Variants in RPTOR observed in about 807,000 individuals in gnomAD.
RPTOR encodes the protein regulatory associated protein of MTOR complex 1.
In RPTOR, 21 loss-of-function variants were observed where a neutral mutation model predicts 169.9. That is an observed-to-expected ratio of 0.12 (90% CI 0.09 to 0.18). The LOEUF (loss-of-function observed/expected upper bound fraction) is 0.18, where lower values mean the gene tolerates loss of function less well. Among genes scored for constraint, RPTOR ranks in the 10% least tolerant of loss-of-function variants. The pLI, the probability that RPTOR is intolerant of heterozygous loss-of-function variation, is 1.00. For missense variants in RPTOR, 1,133 were observed against 1,855.9 expected, an observed-to-expected ratio of 0.61 and a Z score of 7.16; for synonymous variants, 732 against 753.2, an observed-to-expected ratio of 0.97 and a Z score of 0.46.
At chr17:80,858,078 G>T (rs756281672) in intron 13 of RPTOR, 178 bp downstream of exon 13, 6 of 612,772 alleles carry the variant, frequency 9.8e-6, no homozygotes, top group Non-Finnish European at 1.2e-5. Flanking sequence ...GCCACCTCTG[G>T]GTCGTGGGGG....
At chr17:80,786,955 A>G (rs950643284) in intron 6 of RPTOR, among the ~76,000 whole-genome samples, 1 of 152,198 alleles carries the variant, frequency 6.6e-6, no homozygotes, top group African/African-American at 2.4e-5. Context: ...CAGTTAATTA[A>G]CAGGTATTTT....
At chr17:80,811,794 G>A (rs2067275807) in intron 7 of RPTOR, among the ~76,000 whole-genome samples, 1 of 147,946 alleles carries the variant, frequency 6.8e-6, no homozygotes, top group Non-Finnish European at 1.5e-5. Context: ...CTCTAACAAG[G>A]CCTAAACCTC....
At chr17:80,545,883 C>T in intron 1 of RPTOR, 92 bp downstream of exon 1, 1 of 1,100,698 alleles carries the variant, frequency 9.1e-7, no homozygotes, top group Non-Finnish European at 1.3e-6. Context: ...AAAGCGCCGA[C>T]ATTTCCCCCT....
At chr17:80,652,329 C>G (rs1158038591) in intron 3 of RPTOR, among the ~76,000 whole-genome samples, 2 of 152,210 alleles carry the variant, frequency 1.3e-5, no homozygotes, top group Non-Finnish European at 2.9e-5. Context: ...CCCCCAGGCC[C>G]AGGCAGTCAC....
chr17:80,888,966 C>G (rs1325434953), intron 17 of RPTOR, among the ~76,000 whole-genome samples: 1 of 152,158 alleles, frequency 6.6e-6, no homozygotes, highest in Non-Finnish European at 1.5e-5. Flanking sequence ...GGCGTGGGCA[C>G]AAGAGGCCAG....
At chr17:80,794,867 G>A (rs2067085400) in intron 7 of RPTOR, among the ~76,000 whole-genome samples, 1 of 152,190 alleles carries the variant, frequency 6.6e-6, no homozygotes, top group African/African-American at 2.4e-5. Flanking sequence ...AGAACATGGG[G>A]CCAGAGAACA....
rs777751384 is a variant in RPTOR, at chr17:80,893,831, C to T, written c.2367C>T (p.Arg789=). Residue 789 remains arginine, a synonymous_variant, in exon 20 of 34, where the codon CGC becomes CGT. Coordinates refer to ENST00000306801, the MANE Select transcript of RPTOR (RefSeq NM_020761.3). ...TCGAGACCATCGACAAGATGCGCCG[C>T]GCCAGCTCCTACTCCTCCCTCAACT... The part of the protein sequence containing the change: ...LSFETIDKMR[R]ASSYSSLNSL... 1.0e-5 allele frequency: 16 copies of T among 1,533,886 alleles called. No individual in the cohort carries two copies. The highest frequency in any genetic ancestry group is 9.4e-5 in the East Asian group (4 of 42,576).
At chr17:80,770,395 A>G (rs748021473) in intron 6 of RPTOR, among the ~76,000 whole-genome samples, 1 of 152,168 alleles carries the variant, frequency 6.6e-6, no homozygotes, top group Non-Finnish European at 1.5e-5. Flanking sequence ...GTTTGAGAAG[A>G]CATGTTCGTA....
chr17:80,713,994 A>T (rs766321948), intron 4 of RPTOR, among the ~76,000 whole-genome samples: 1 of 152,184 alleles, frequency 6.6e-6, no homozygotes, highest in Non-Finnish European at 1.5e-5. Flanking sequence ...GCTGGAGTGC[A>T]GTGGCGTGAT....
At chr17:80,614,079 C>T (rs1038392963) in intron 1 of RPTOR, among the ~76,000 whole-genome samples, 2 of 152,156 alleles carry the variant, frequency 1.3e-5, no homozygotes, top group African/African-American at 4.8e-5. Context: ...AATGGCTGGA[C>T]ACTCTCTTCA....
Position 80,823,182 on chromosome 17 carries a change from C to T in RPTOR, c.1095C>T (p.Val365=). The T allele has an allele frequency of 6.2e-7, 1 of 1,614,216 alleles. No homozygotes were observed. Among genetic ancestry groups the T allele is most frequent in the Non-Finnish European group, 8.5e-7 (1 of 1,180,048 alleles). The change falls in exon 9 of 34, where the codon GTC becomes GTT. Residue 365 remains valine (V), a synonymous_variant. Coordinates refer to ENST00000306801, the MANE Select transcript of RPTOR (RefSeq NM_020761.3). This position sits in a 1 kb window ranked among gnomAD's most constrained non-coding sequence, Gnocchi z 4.5. The stretch of plus-strand genomic sequence containing the variant: ...TGAGGTCGTATAACTGCACTCCCGT[C>T]AGCAGCCCGCGTCTGCCGCCCACGT... ...RIMRSYNCTP[V]SSPRLPPTYM...
chr17:80,612,038 G>C (rs147297716), intron 1 of RPTOR, among the ~76,000 whole-genome samples: 2 of 152,290 alleles, frequency 1.3e-5, no homozygotes, highest in African/African-American at 4.8e-5. Flanking sequence ...CTTCATAAGT[G>C]TTGTTGATGA....
At position 80,959,220 on chromosome 17, in the gene RPTOR, G is replaced by C. The variant is rs141388021; in HGVS notation, c.3478-858G>C. On this transcript the variant is annotated intron_variant, in intron 29 of 33. Coordinates refer to ENST00000306801, the MANE Select transcript of RPTOR (RefSeq NM_020761.3). This position sits in a 1 kb window ranked among gnomAD's most constrained non-coding sequence, Gnocchi z 6.7. Reference sequence around the variant, plus strand: ...AGCAGCTTTCATGGCACCTTCTTTGGGGTGGGGGGGTCTTGCACCTGTCTG... The same window carrying C: ...AGCAGCTTTCATGGCACCTTCTTTGCGGTGGGGGGGTCTTGCACCTGTCTG... Among the ~76,000 whole-genome samples, 3 of 152,254 alleles carry C rather than the reference G, an allele frequency of 2.0e-5. No individual in the cohort carries two copies. Among genetic ancestry groups the C allele is most frequent in the African/African-American group, 7.2e-5 (3 of 41,506 alleles).
intron 1 of RPTOR, among the ~76,000 whole-genome samples, chr17:80,616,156 T>G (rs1362305534): frequency 6.6e-6 from 1 of 152,194 alleles, no homozygotes; most frequent in African/African-American, 2.4e-5. Flanking sequence ...GAAGGAAAAT[T>G]AGCCCTGAAT....
At position 80,962,533 on chromosome 17, in the gene RPTOR, G is replaced by A. The variant is rs1039300574; in HGVS notation, c.3765G>A (p.Gly1255=). The part of the protein sequence containing the change: ...ESVNVLQIVK[G]LTALDIHPQA... Reference sequence around the variant, plus strand: ...TAAATGTGCTTCAGATCGTGAAGGGGCTGACGGCCCTGGACATCCACCCCC... The same window carrying A: ...TAAATGTGCTTCAGATCGTGAAGGGACTGACGGCCCTGGACATCCACCCCC... Residue 1255 remains glycine (G), a synonymous_variant, in exon 32 of 34, where the codon GGG becomes GGA. Transcript: ENST00000306801. The A allele has an allele frequency of 6.2e-7, 1 of 1,613,832 alleles. No individual in the cohort carries two copies. Among genetic ancestry groups the A allele is most frequent in the Non-Finnish European group, 8.5e-7 (1 of 1,179,924 alleles).
At chr17:80,608,396 A>C (rs981005956) in intron 1 of RPTOR, among the ~76,000 whole-genome samples, 1 of 152,208 alleles carries the variant, frequency 6.6e-6, no homozygotes, top group Admixed American at 6.5e-5. Context: ...TTTGTGGGCC[A>C]TCATTGGAGT....
At chr17:80,613,791 G>A (rs2065288861) in intron 1 of RPTOR, among the ~76,000 whole-genome samples, 2 of 152,010 alleles carry the variant, frequency 1.3e-5, no homozygotes, top group Admixed American at 1.3e-4. Context: ...ACTCGGGCTG[G>A]GCCACGTGTT....
intron 7 of RPTOR, among the ~76,000 whole-genome samples, chr17:80,817,479 C>T (rs1405139330): frequency 6.6e-6 from 1 of 151,922 alleles, no homozygotes; most frequent in Non-Finnish European, 1.5e-5. Flanking sequence ...CAGGTGAGAG[C>T]AGGAACCTGG....
chr17:80,736,610 A>T (rs1039731610), intron 5 of RPTOR, among the ~76,000 whole-genome samples: 5 of 152,208 alleles, frequency 3.3e-5, no homozygotes, highest in African/African-American at 9.7e-5. Context: ...TATCTCACAG[A>T]TCTAAAGTAC....
Sources: gnomAD v4.1 joint callset for allele counts (sites outside exome capture counted in the v4.1 genomes callset) on GRCh38, gnomAD v4.1.1 for gene constraint, Gnocchi (gnomAD v3.1) non-coding constraint, MANE v1.5 for transcripts, NCBI Gene and HGNC (gene_info 2026-07-23, HGNC 2026-07-21) for gene names.